Variants in TOP2B observed in about 807,000 individuals in gnomAD.
TOP2B encodes the protein DNA topoisomerase 2-beta.
In TOP2B, 51 loss-of-function variants were observed where a neutral mutation model predicts 193.5. The ratio of observed to expected loss-of-function variants is 0.26; its 90% CI spans 0.21 to 0.33. The LOEUF (loss-of-function observed/expected upper bound fraction) is 0.33. Ranked by LOEUF, TOP2B falls within the 10% of genes least tolerant of loss-of-function variation. The pLI is 1.00. For synonymous variants in TOP2B, 634 were observed against 635.7 expected, an observed-to-expected ratio of 1.00 and a Z score of 0.04; for missense variants, 1,378 against 1,909.3, an observed-to-expected ratio of 0.72 and a Z score of 5.19.
At chr3:25,607,822 C>T (rs529399374) in intron 30 of TOP2B, among the ~76,000 whole-genome samples, 1 of 152,320 alleles carries the variant, frequency 6.6e-6, no homozygotes, top group South Asian at 2.1e-4. Context: ...GTTCTGCTGC[C>T]TGGGCAGGAA....
chr3:25,653,020 G>A (rs1302620930), intron 1 of TOP2B, among the ~76,000 whole-genome samples: 1 of 152,102 alleles, frequency 6.6e-6, no homozygotes, highest in East Asian at 1.9e-4. Flanking sequence ...CCACACATAT[G>A]GCAACAGATT....
intron 22 of TOP2B, among the ~76,000 whole-genome samples, 195 bp from the exon 23 acceptor site, chr3:25,620,257 A>G (rs1434350326): frequency 6.6e-6 from 1 of 151,828 alleles, no homozygotes; most frequent in African/African-American, 2.4e-5. Context: ...CATAAGAAGT[A>G]ATGGTGCTGA....
intron 27 of TOP2B, among the ~76,000 whole-genome samples, chr3:25,613,554 A>G (rs1287214370): frequency 6.6e-6 from 1 of 152,112 alleles, no homozygotes; most frequent in Admixed American, 6.5e-5. Flanking sequence ...CAACATAACA[A>G]AACCTCATCT....
At chr3:25,636,452 T>C (rs772885371) in intron 6 of TOP2B, among the ~76,000 whole-genome samples, 108 of 152,118 alleles carry the variant, frequency 7.1e-4, no homozygotes, top group Non-Finnish European at 1.2e-3. Flanking sequence ...TATTACATAT[T>C]ATAAGTAATC....
In TOP2B at chr3:25,645,341, G is replaced by A; in HGVS notation, c.199C>T (p.Arg67Cys). ...ACTGACCCAATATATGTATCAGGAC[G>A]AAGAAGAATGTGTTCAAGTTGTGTC... ...KKTQLEHILL[R>C]PDTYIGSVEP... Residue 67 changes from arginine to cysteine, a missense_variant, in exon 2 of 36, where the codon CGT becomes TGT. By Grantham distance (180) the Arg-to-Cys change is radical. Around this residue, in one of 9 missense-constraint regions of TOP2B, gnomAD observed 35 missense variants for 85.8 expected, o/e 0.41. Transcript: ENST00000264331. 3 of 1,611,896 alleles carry A rather than the reference G, an allele frequency of 1.9e-6. No individual in the cohort carries two copies. Among genetic ancestry groups the A allele is most frequent in the Non-Finnish European group, 2.5e-6 (3 of 1,178,856 alleles).
Position 25,599,543 on chromosome 3 carries a change from A to G in TOP2B, c.4616-14T>C. 1 of 1,604,600 alleles carries G rather than the reference A, an allele frequency of 6.2e-7. No individual in the cohort carries two copies. The highest frequency in any genetic ancestry group is 1.7e-4 in the Middle Eastern group (1 of 6,036). On this transcript the variant is annotated splice_polypyrimidine_tract_variant and intron_variant, in intron 34 of 35. Transcript: ENST00000264331. Reference sequence around the variant, plus strand: ...CTCGGCCTTTACCTTAAAATGATACAAAAGGTTTTTTCTTCCGTGGTTAAG... The same window carrying G: ...CTCGGCCTTTACCTTAAAATGATACGAAAGGTTTTTTCTTCCGTGGTTAAG...
chr3:25,642,321 C>T lies in TOP2B; in HGVS notation c.395+1G>A, dbSNP rs1390813802. On this transcript the variant is annotated splice_donor_variant, in intron 4 of 35. Transcript: ENST00000264331. LOFTEE classifies it high-confidence loss of function. ...AAAAATTAAACTTTAAATATACTTA[C>T]GGATCAATAGAAACTTTAATACAAG... is the stretch of plus-strand genomic sequence containing the variant. The T allele has an allele frequency of 6.6e-7, 1 of 1,526,290 alleles. No homozygotes were observed. The highest frequency in any genetic ancestry group is 8.9e-7 in the Non-Finnish European group (1 of 1,127,116). 94.5% of individuals were successfully genotyped at this position (1,526,290 alleles called of 1,614,324 possible).
rs181932882 is a variant in TOP2B, at chr3:25,641,523, A to T, written c.395+799T>A. Among the ~76,000 whole-genome samples the T allele has an allele frequency of 9.0e-3, 1,203 of 133,360 alleles. 6 individuals are homozygous for T. Among genetic ancestry groups the T allele is most frequent in the Non-Finnish European group, 0.012 (757 of 63,458 alleles). 87.5% of individuals were successfully genotyped at this position (133,360 alleles called of 152,430 possible). On this transcript the variant is annotated intron_variant, in intron 4 of 35. Coordinates refer to ENST00000264331, the MANE Select transcript of TOP2B (RefSeq NM_001330700.2). ...TTCATTATAGAAATAATCCAAATTT[A>T]AAAAAAAATGGAGAAAAAAATAAAT... is the stretch of plus-strand genomic sequence containing the variant.
intron 21 of TOP2B, 124 bp from the exon 22 acceptor site, chr3:25,620,940 C>A: frequency 9.9e-7 from 1 of 1,007,926 alleles, no homozygotes; most frequent in Non-Finnish European, 1.4e-6. Flanking sequence ...TGTCCCTTTC[C>A]AACTGATCAA....
intron 20 of TOP2B, 63 bp from the exon 21 acceptor site, chr3:25,623,809 C>T (rs1702726108): frequency 9.2e-7 from 1 of 1,082,094 alleles, no homozygotes; most frequent in Non-Finnish European, 1.3e-6. Flanking sequence ...AAACTTTATA[C>T]ATAATTAAAA....
intron 1 of TOP2B, among the ~76,000 whole-genome samples, chr3:25,660,935 A>C (rs1202003856): frequency 1.3e-5 from 2 of 152,130 alleles, no homozygotes; most frequent in Non-Finnish European, 2.9e-5. Flanking sequence ...GAAAGTGATA[A>C]AATTCTAGGA....
At chr3:25,633,782 A>G in intron 8 of TOP2B, 59 bp downstream of exon 8, 1 of 1,377,954 alleles carries the variant, frequency 7.3e-7, no homozygotes, top group Non-Finnish European at 9.7e-7. Context: ...TTTGTTTTGT[A>G]GTTTTTATTG....
intron 1 of TOP2B, among the ~76,000 whole-genome samples, chr3:25,656,725 T>C (rs1703755798): frequency 6.6e-6 from 1 of 152,174 alleles, no homozygotes; most frequent in South Asian, 2.1e-4. Context: ...AATATATGCA[T>C]GCATAGGAAA....
intron 13 of TOP2B, 136 bp from the exon 14 acceptor site, chr3:25,629,281 G>T (rs1441081119): frequency 1.8e-6 from 1 of 565,644 alleles, no homozygotes; most frequent in Non-Finnish European, 3.0e-6. Context: ...AAGCTATTAA[G>T]ATGATCATAC....
intron 25 of TOP2B, among the ~76,000 whole-genome samples, chr3:25,616,877 C>T (rs1398280798): frequency 6.6e-6 from 1 of 151,246 alleles, no homozygotes; most frequent in Non-Finnish European, 1.5e-5. Context: ...AGAACACTTC[C>T]AGAAATTAAA....
intron 15 of TOP2B, among the ~76,000 whole-genome samples, chr3:25,628,214 A>G (rs1206426243): frequency 1.3e-5 from 2 of 149,426 alleles, no homozygotes; most frequent in African/African-American, 4.9e-5. Flanking sequence ...GGTGGCTCAC[A>G]CCTGTAATCC....
At chr3:25,653,092 T>A (rs1263790124) in intron 1 of TOP2B, among the ~76,000 whole-genome samples, 1 of 151,994 alleles carries the variant, frequency 6.6e-6, no homozygotes. Flanking sequence ...GAATCATGAA[T>A]AAAAAATCTC....
chr3:25,612,704 C>T lies in TOP2B; in HGVS notation c.3597G>A (p.Val1199=), dbSNP rs200856945. 14 of 1,612,706 alleles carry T rather than the reference C, an allele frequency of 8.7e-6. No individual in the cohort carries two copies. The highest frequency in any genetic ancestry group is 5.0e-5 in the Admixed American group (3 of 59,932). Residue 1199 remains valine (V), a synonymous_variant, in exon 28 of 36, where the codon GTG becomes GTA. Transcript: ENST00000264331. ...LAAFVEELDK[V]ESQEREDVLA... Reference sequence around the variant, plus strand: ...GAACATCTTCTCGTTCTTGAGATTCCACTTTCTAAAGTATAATCATAAGGC... The same window carrying T: ...GAACATCTTCTCGTTCTTGAGATTCTACTTTCTAAAGTATAATCATAAGGC...
chr3:25,630,614 G>T, intron 11 of TOP2B, 145 bp from the exon 12 acceptor site: 2 of 834,728 alleles, frequency 2.4e-6, no homozygotes, highest in Non-Finnish European at 1.8e-6. Flanking sequence ...TAAATATTAA[G>T]TATATTTTAT....
Sources: gnomAD v4.1 joint callset for allele counts (sites outside exome capture counted in the v4.1 genomes callset) on GRCh38, gnomAD v4.1.1 for gene constraint, gnomAD v4.1.1 regional missense constraint, MANE v1.5 for transcripts, NCBI Gene and HGNC (gene_info 2026-07-23, HGNC 2026-07-21) for gene names.